Variants in NBPF9 observed in about 807,000 individuals in gnomAD.
NBPF9 encodes NBPF member 9.
NBPF9 carries 91 observed loss-of-function variants against 97.8 expected under a neutral mutation model. That is an observed-to-expected ratio of 0.93 (90% CI 0.79 to 1.11). The LOEUF (loss-of-function observed/expected upper bound fraction) is 1.11. Among genes scored for constraint, NBPF9 ranks in the 50% least tolerant of loss-of-function variants. NBPF9 has a pLI of 0.00. For missense variants in NBPF9, 992 were observed against 939.5 expected (o/e 1.06, Z -0.73); for synonymous variants, 334 against 359.5 (o/e 0.93, Z 0.80).
Position 149,079,309 on chromosome 1 carries a change from C to T in NBPF9, c.279-88G>A, listed in dbSNP as rs879997179. 54 of 1,326,494 alleles carry T rather than the reference C, an allele frequency of 4.1e-5. No individual in the cohort carries two copies. In the East Asian group the frequency reaches 6.7e-4, roughly 16 times the overall value. 82.2% of individuals were successfully genotyped at this position (1,326,494 alleles called of 1,614,324 possible). On this transcript the variant is annotated intron_variant, in intron 8 of 29. Coordinates refer to ENST00000584027, the Ensembl canonical transcript of NBPF9. ...GCAACAGAGACTTCTGAGATAATGTCCTCAAGGAGACCTTGAAACAGAAGG... is the reference window on the plus strand; with the variant it reads ...GCAACAGAGACTTCTGAGATAATGTTCTCAAGGAGACCTTGAAACAGAAGG...
In NBPF9 at chr1:149,071,522, C is replaced by G. The variant is rs587640346; in HGVS notation, c.1379+82G>C. The G allele has an allele frequency of 2.5e-5, 26 of 1,058,150 alleles. 1 individual carries two copies. The highest frequency in any genetic ancestry group is 2.0e-4 in the South Asian group (15 of 76,904). 65.5% of individuals were successfully genotyped at this position (1,058,150 alleles called of 1,614,324 possible). A position where few individuals can be genotyped will look rare whatever the true frequency, so the allele number is the denominator to read the frequency against. ...AAGCGAATGCGGGTTTTTGGCCCAT[C>G]ATAGATGCCAGAGAGGGTGTGCCTC... On this transcript the variant is annotated intron_variant, in intron 15 of 29. Transcript: ENST00000584027.
chr1:149,090,467 A>G (rs1553659802), intron 5 of NBPF9: 1 of 270,342 alleles, frequency 3.7e-6, no homozygotes, highest in Non-Finnish European at 7.0e-6. Context: ...ATAAATTTGC[A>G]TATTATAAAC....
In NBPF9 at chr1:149,061,172, C is replaced by A. The variant is rs1477195428; in HGVS notation, c.2303+160G>T. On this transcript the variant is annotated intron_variant, in intron 23 of 29. Coordinates refer to ENST00000584027, the Ensembl canonical transcript of NBPF9. ...GATAAGGGGAGGAAGAAATGGAAAC[C>A]TAAATATCTACTGCAATGAAAACCA... 1.2e-5 allele frequency: 4 copies of A among 343,708 alleles called. 1 individual carries two copies. Among genetic ancestry groups the A allele is most frequent in the Non-Finnish European group, 2.2e-5 (4 of 184,026 alleles). 21.3% of individuals were successfully genotyped at this position (343,708 alleles called of 1,614,324 possible).
intron 4 of NBPF9, among the ~76,000 whole-genome samples, chr1:149,093,507 C>T (rs376057940): frequency 6.7e-6 from 1 of 149,490 alleles, no homozygotes; most frequent in East Asian, 2.0e-4. Context: ...TGGGGAGAAA[C>T]CTTGGACAAT....
At chr1:149,071,802 T>G in intron 14 of NBPF9, 126 bp from the exon 15 acceptor site, 1 of 653,690 alleles carries the variant, frequency 1.5e-6, no homozygotes, top group East Asian at 3.0e-5. Flanking sequence ...AACTCTCATG[T>G]TTTATCTTTA....
At chr1:149,082,457 G>A in intron 5 of NBPF9, 27 bp from the exon 6 acceptor site, 1 of 795,676 alleles carries the variant, frequency 1.3e-6, no homozygotes, top group South Asian at 1.8e-5. Context: ...AGAATTAGAA[G>A]GTGGGGGTGT....
intron 18 of NBPF9, 172 bp downstream of exon 18, chr1:149,065,354 C>A: frequency 1.3e-6 from 1 of 797,326 alleles, no homozygotes; most frequent in East Asian, 2.7e-5. Context: ...TGACCCACCC[C>A]ATGCCTGTGC....
At chr1:149,085,128 G>A (rs2080883798) in intron 5 of NBPF9, among the ~76,000 whole-genome samples, 1 of 151,828 alleles carries the variant, frequency 6.6e-6, no homozygotes, top group Non-Finnish European at 1.5e-5. Flanking sequence ...CCTTATTGCT[G>A]CCAAAACCAC....
At chr1:149,058,866 TA>T in intron 26 of NBPF9, 58 bp downstream of exon 26, 1 of 685,856 alleles carries the variant, frequency 1.5e-6, no homozygotes. Context: ...GGAACAGGAA[TA>T]TCACCCCTAT....
At chr1:149,065,594 T>C (rs2078989304) in exon 18 of NBPF9, 4 of 1,608,920 alleles carry the variant, frequency 2.5e-6, no homozygotes, top group Middle Eastern at 2.3e-4. Flanking sequence ...GTAAGACTTG[T>C]ACGAGGCCAA....
chr1:149,068,275 A>C (rs1168081063), intron 17 of NBPF9, among the ~76,000 whole-genome samples: 4 of 150,324 alleles, frequency 2.7e-5, no homozygotes, highest in Admixed American at 6.6e-5. Context: ...CACACATAAC[A>C]ATATTAACCT....
chr1:149,056,225 GA>G (rs1336607771), intron 29 of NBPF9, among the ~76,000 whole-genome samples: 1 of 147,208 alleles, frequency 6.8e-6, no homozygotes, highest in East Asian at 2.1e-4. Flanking sequence ...CTGTGATCAT[GA>G]AAAGAGTGAG....
chr1:149,065,644 C>A (rs1553651545), exon 18 of NBPF9: 1 of 1,603,248 alleles, frequency 6.2e-7, no homozygotes. Context: ...AACCTTCATC[C>A]CAGGACTCCT....
intron 5 of NBPF9, among the ~76,000 whole-genome samples, chr1:149,084,882 C>T (rs1559539560): frequency 6.6e-6 from 1 of 150,774 alleles, no homozygotes; most frequent in Non-Finnish European, 1.5e-5. Context: ...ATCGGTGGAG[C>T]CCCCACCTTC....
intron 4 of NBPF9, among the ~76,000 whole-genome samples, chr1:149,096,995 A>G (rs1312617750): frequency 3.3e-5 from 5 of 150,694 alleles, no homozygotes; most frequent in Non-Finnish European, 7.4e-5. Context: ...AAGGAAAGAA[A>G]AAGAGAGAAC....
intron 8 of NBPF9, among the ~76,000 whole-genome samples, chr1:149,079,753 T>C (rs1363564014): frequency 2.0e-5 from 3 of 151,626 alleles, no homozygotes; most frequent in African/African-American, 7.3e-5. Flanking sequence ...TAGCACACCA[T>C]TTTGAGTATA....
downstream of NBPF9, among the ~76,000 whole-genome samples, chr1:149,052,567 A>T (rs1425693489): frequency 6.6e-6 from 1 of 151,722 alleles, no homozygotes; most frequent in Non-Finnish European, 1.5e-5. Flanking sequence ...AATGGGAAAC[A>T]AATGCTTTCC....
chr1:149,073,596 A>G (rs1337099716), intron 13 of NBPF9, among the ~76,000 whole-genome samples, 172 bp downstream of exon 13: 18 of 149,926 alleles, frequency 1.2e-4, no homozygotes, highest in African/African-American at 4.4e-4. Context: ...CAACCCATAC[A>G]TTTTTATTAT....
chr1:149,082,426 A>T, exon 6 of NBPF9: 2 of 919,584 alleles, frequency 2.2e-6, no homozygotes, highest in South Asian at 3.3e-5. Flanking sequence ...GTGCCAGGTA[A>T]CCGTCTGCAG....
Sources: gnomAD v4.1 joint callset for allele counts (sites outside exome capture counted in the v4.1 genomes callset) on GRCh38, gnomAD v4.1.1 for gene constraint, MANE v1.5 for transcripts, NCBI Gene and HGNC (gene_info 2026-07-23, HGNC 2026-07-21) for gene names.